Variants in APOBEC3D observed in about 807,000 individuals in gnomAD.
APOBEC3D encodes apolipoprotein B mRNA editing enzyme catalytic subunit 3D, also known as DNA dC->dU-editing enzyme APOBEC-3D.
Under a neutral mutation model 45.6 loss-of-function variants are expected in APOBEC3D, and 37 were observed. The ratio of observed to expected loss-of-function variants is 0.81; its 90% CI spans 0.62 to 1.07. The LOEUF (loss-of-function observed/expected upper bound fraction) is 1.07, where lower values mean the gene tolerates loss of function less well. APOBEC3D is among the 50% of genes least tolerant of loss of function. The probability of loss-of-function intolerance (pLI) is 0.00; values close to 1 mark genes in which losing one functional copy is unlikely to be tolerated. For missense variants in APOBEC3D, 496 were observed against 495.3 expected, an observed-to-expected ratio of 1.00 and a Z score of -0.01; for synonymous variants, 175 against 180.7, an observed-to-expected ratio of 0.97 and a Z score of 0.25.
chr22:39,022,192 T>G (rs1925182726), intron 1 of APOBEC3D, among the ~76,000 whole-genome samples: 1 of 152,224 alleles, frequency 6.6e-6, no homozygotes, highest in Non-Finnish European at 1.5e-5. Context: ...AACAGCTTTC[T>G]CCTGCAGGGC....
chr22:39,030,853 TAAA>T (rs766656281), intron 5 of APOBEC3D, among the ~76,000 whole-genome samples: 1 of 152,014 alleles, frequency 6.6e-6, no homozygotes, highest in Non-Finnish European at 1.5e-5. Context: ...CTCAATAAAA[TAAA>T]GAAGGAAGGG....
At position 39,029,484 on chromosome 22, in the gene APOBEC3D, G is replaced by C. The variant is rs1218771518; in HGVS notation, c.727G>C (p.Ala243Pro). 4 of 1,614,068 alleles carry C rather than the reference G, an allele frequency of 2.5e-6. No homozygotes were observed. The East Asian group carries it at 6.7e-5, about 27-fold the overall frequency. The change falls in exon 5 of 7, where the codon GCT becomes CCT. Residue 243 changes from alanine (A) to proline (P), a missense_variant. Transcript: ENST00000216099. ...CATGGAAGTTACAAAGCACCACTCA[G>C]CTGTCTTCCGGAAGAGGGGCGTCTT... is the stretch of plus-strand genomic sequence containing the variant. ...FTMEVTKHHSAVFRKRGVFRN... is the reference protein window; with the variant it reads ...FTMEVTKHHSPVFRKRGVFRN...
intron 4 of APOBEC3D, among the ~76,000 whole-genome samples, chr22:39,026,980 C>T (rs1925736309): frequency 6.6e-6 from 1 of 151,972 alleles, no homozygotes; most frequent in Non-Finnish European, 1.5e-5. Context: ...TAAGATTTTA[C>T]AAAAGAGTAG....
At chr22:39,024,937 G>T (rs1345138734) in intron 2 of APOBEC3D, 133 bp from the exon 3 acceptor site, 34 of 851,052 alleles carry the variant, frequency 4.0e-5, no homozygotes, top group Non-Finnish European at 4.6e-5. Flanking sequence ...AACCAAACAG[G>T]GGGGATGGAG....
At chr22:39,027,064 G>A (rs564879409) in intron 4 of APOBEC3D, among the ~76,000 whole-genome samples, 1 of 152,152 alleles carries the variant, frequency 6.6e-6, no homozygotes, top group Non-Finnish European at 1.5e-5. Flanking sequence ...CCAGGGACCA[G>A]AGAGGCCCTA....
At chr22:39,024,994 CTCCTCCCCCTG>C in intron 2 of APOBEC3D, 65 bp from the exon 3 acceptor site, 1 of 740,774 alleles carries the variant, frequency 1.3e-6, no homozygotes. Flanking sequence ...GTCCTGGCCC[CTCCTCCCCCTG>C]CCCCACCCCG....
intron 1 of APOBEC3D, 22 bp downstream of exon 1, chr22:39,021,558 G>T: frequency 6.2e-7 from 1 of 1,611,774 alleles, no homozygotes; most frequent in Non-Finnish European, 8.5e-7. Flanking sequence ...CACTATGTCC[G>T]CAGGGCCCCT....
At chr22:39,028,791 C>T (rs569155205) in intron 4 of APOBEC3D, among the ~76,000 whole-genome samples, 2 of 152,064 alleles carry the variant, frequency 1.3e-5, no homozygotes, top group East Asian at 1.9e-4. Context: ...AAAAATTAGA[C>T]GGGCGTGGTG....
In APOBEC3D at chr22:39,032,366, C is replaced by A; in HGVS notation, c.*50C>A. 2 of 1,603,078 alleles carry A rather than the reference C, an allele frequency of 1.2e-6. No individual in the cohort carries two copies. The highest frequency in any genetic ancestry group is 1.7e-6 in the Non-Finnish European group (2 of 1,174,902). On this transcript the variant is annotated 3_prime_UTR_variant, in exon 7 of 7. Coordinates refer to ENST00000216099, the MANE Select transcript of APOBEC3D (RefSeq NM_152426.4). Reference sequence around the variant, plus strand: ...TGTCTCTTCTAGCCTCCTGCTCATGCTGCACGGGCCTCCCCTCCATCCTGC... The same window carrying A: ...TGTCTCTTCTAGCCTCCTGCTCATGATGCACGGGCCTCCCCTCCATCCTGC...
Position 39,032,660 on chromosome 22 carries a change from C to T in APOBEC3D, c.*344C>T, listed in dbSNP as rs9607602. 1.0e-6 allele frequency: 1 copy of T among 955,070 alleles called. No homozygotes were observed. Among genetic ancestry groups the T allele is most frequent in the Non-Finnish European group, 1.3e-6 (1 of 796,940 alleles). 59.2% of individuals were successfully genotyped at this position (955,070 alleles called of 1,614,324 possible). ...CCAGACTAGAGTGCAATGGCTGGAT[C>T]TCAGCTCACTGCAAACTCTGCTTAC... On this transcript the variant is annotated 3_prime_UTR_variant, in exon 7 of 7. Transcript: ENST00000216099.
rs1211568253 is a variant in APOBEC3D, at chr22:39,025,364, G to C, written c.490+15G>C. The C allele has an allele frequency of 3.1e-6, 5 of 1,613,200 alleles. No individual in the cohort carries two copies. The highest frequency in any genetic ancestry group is 4.2e-6 in the Non-Finnish European group (5 of 1,179,358). On this transcript the variant is annotated intron_variant, in intron 3 of 6. Transcript: ENST00000216099. ...GGACTATGAAGGTGAGAGGTGCAGGGGTCAGGGGAGCATGACGGGGAGGAA... is the reference window on the plus strand; with the variant it reads ...GGACTATGAAGGTGAGAGGTGCAGGCGTCAGGGGAGCATGACGGGGAGGAA...
In APOBEC3D at chr22:39,033,154, C is replaced by A; in HGVS notation, c.*838C>A. 1.8e-6 allele frequency: 1 copy of A among 553,136 alleles called. No individual in the cohort carries two copies. Among genetic ancestry groups the A allele is most frequent in the Non-Finnish European group, 2.3e-6 (1 of 435,002 alleles). The allele number at this position is 553,136 out of a possible 1,614,324, so 34.3% of individuals were successfully genotyped here. The stretch of plus-strand genomic sequence containing the variant: ...ACTGCTTGAGCCGGGGAGGTGGAGG[C>A]TGGAGTAAACTGAGATCGCGCCACA... On this transcript the variant is annotated 3_prime_UTR_variant, in exon 7 of 7. Coordinates refer to ENST00000216099, the MANE Select transcript of APOBEC3D (RefSeq NM_152426.4).
At chr22:39,023,449 CTT>C (rs202241274) in intron 2 of APOBEC3D, among the ~76,000 whole-genome samples, 15 of 133,864 alleles carry the variant, frequency 1.1e-4, no homozygotes, top group East Asian at 2.2e-4. Flanking sequence ...TTCTTTCTTT[CTT>C]TTTTTTTTTT....
intron 5 of APOBEC3D, among the ~76,000 whole-genome samples, chr22:39,029,958 T>C (rs1358495993): frequency 6.6e-6 from 1 of 151,986 alleles, no homozygotes; most frequent in Non-Finnish European, 1.5e-5. Context: ...CTCCCTAACT[T>C]TCCTGGGATC....
chr22:39,022,991 C>A lies in APOBEC3D; in HGVS notation c.187C>A (p.Arg63Ser). 6.2e-7 allele frequency: 1 copy of A among 1,603,152 alleles called. No homozygotes were observed. Among genetic ancestry groups the A allele is most frequent in the Non-Finnish European group, 8.5e-7 (1 of 1,174,824 alleles). The change falls in exon 2 of 7, where the codon CGT (arginine) becomes AGT (serine). Residue 63 changes from arginine to serine, a missense_variant. Coordinates refer to ENST00000216099, the MANE Select transcript of APOBEC3D (RefSeq NM_152426.4). ...GVFRGPVLPK[R>S]QSNHRQEVYF... is the part of the protein sequence containing the mutation. Reference sequence around the variant, plus strand: ...CTTTCGAGGCCCGGTACTACCCAAACGTCAGTCGAATCACAGGCAGGAGGT... The same window carrying A: ...CTTTCGAGGCCCGGTACTACCCAAAAGTCAGTCGAATCACAGGCAGGAGGT...
intron 1 of APOBEC3D, 136 bp from the exon 2 acceptor site, chr22:39,022,686 G>T (rs1408613721): frequency 1.5e-5 from 18 of 1,177,998 alleles, no homozygotes; most frequent in Non-Finnish European, 2.1e-5. Context: ...TGCCTGGGAA[G>T]GCAGCAGAAA....
intron 4 of APOBEC3D, among the ~76,000 whole-genome samples, chr22:39,027,806 G>A (rs1229903171): frequency 1.3e-5 from 2 of 152,110 alleles, no homozygotes; most frequent in African/African-American, 2.4e-5. Context: ...GCCCTGCTAT[G>A]TGGTCGCCCC....
At chr22:39,026,527 CT>C (rs1436490731) in intron 4 of APOBEC3D, among the ~76,000 whole-genome samples, 1 of 152,132 alleles carries the variant, frequency 6.6e-6, no homozygotes, top group Non-Finnish European at 1.5e-5. Context: ...TTGGGTCAAG[CT>C]TGGGTGGGGT....
At chr22:39,027,454 G>A (rs1025283402) in intron 4 of APOBEC3D, among the ~76,000 whole-genome samples, 30 of 152,268 alleles carry the variant, frequency 2.0e-4, no homozygotes, top group African/African-American at 6.5e-4. Flanking sequence ...GGGTCCCTCC[G>A]GAGGTCCTCC....
Sources: allele counts gnomAD v4.1 joint callset (sites outside exome capture counted in the v4.1 genomes callset), GRCh38; gene constraint gnomAD v4.1.1; transcripts MANE v1.5; gene names NCBI Gene and HGNC (gene_info 2026-07-23, HGNC 2026-07-21).